Variants in CALCR observed in about 807,000 individuals in gnomAD.
CALCR encodes the protein calcitonin receptor.
In CALCR, 47 loss-of-function variants were observed where a neutral mutation model predicts 59.5. The observed-to-expected ratio is 0.79, with a 90% CI of 0.63 to 1.01. The LOEUF (loss-of-function observed/expected upper bound fraction) is 1.01. Among genes scored for constraint, CALCR ranks in the 50% least tolerant of loss-of-function variants. The pLI, the probability that CALCR is intolerant of heterozygous loss-of-function variation, is 0.00. For missense variants in CALCR, 566 were observed against 597.1 expected, an observed-to-expected ratio of 0.95 and a Z score of 0.54; for synonymous variants, 213 against 211.3, an observed-to-expected ratio of 1.01 and a Z score of -0.07.
chr7:93,515,935 A>C (rs899193168), intron 2 of CALCR, among the ~76,000 whole-genome samples: 4 of 152,064 alleles, frequency 2.6e-5, no homozygotes, highest in African/African-American at 9.6e-5. Flanking sequence ...GTATAAATGG[A>C]TCTAAAAGAA....
intron 5 of CALCR, among the ~76,000 whole-genome samples, chr7:93,475,984 G>A (rs139759213): frequency 3.3e-5 from 5 of 151,882 alleles, no homozygotes; most frequent in African/African-American, 4.8e-5. Context: ...CCAGATTCAC[G>A]CAGGGGAACT....
At chr7:93,487,565 C>A (rs1418861388) in intron 2 of CALCR, among the ~76,000 whole-genome samples, 2 of 151,456 alleles carry the variant, frequency 1.3e-5, no homozygotes, top group Non-Finnish European at 3.0e-5. Context: ...TTGAGCATGT[C>A]ATTTAACAGC....
chr7:93,483,439 A>G (rs971515186), intron 3 of CALCR, among the ~76,000 whole-genome samples: 70 of 141,002 alleles, frequency 5.0e-4, no homozygotes, highest in African/African-American at 2.1e-3. Flanking sequence ...ATAGATAGAT[A>G]GATAGATAGA....
chr7:93,428,017 G>T (rs1278273130), intron 13 of CALCR, among the ~76,000 whole-genome samples: 5 of 152,232 alleles, frequency 3.3e-5, no homozygotes, highest in African/African-American at 1.2e-4. Flanking sequence ...GTTTTATTTT[G>T]TTTTGGGGTT....
chr7:93,500,644 T>G (rs966334889), intron 2 of CALCR, among the ~76,000 whole-genome samples: 2 of 152,014 alleles, frequency 1.3e-5, no homozygotes, highest in African/African-American at 4.8e-5. Flanking sequence ...GAGCACTTAC[T>G]GTGTTTATAA....
intron 9 of CALCR, among the ~76,000 whole-genome samples, chr7:93,438,471 G>A (rs1799831465): frequency 6.6e-6 from 1 of 152,178 alleles, no homozygotes; most frequent in Admixed American, 6.5e-5. Context: ...TGTGCTTCCT[G>A]AGAGTTTGGT....
intron 2 of CALCR, among the ~76,000 whole-genome samples, chr7:93,565,131 C>A (rs1789835692): frequency 6.6e-6 from 1 of 152,344 alleles, no homozygotes; most frequent in Non-Finnish European, 1.5e-5. Flanking sequence ...TGGCTCCCTG[C>A]AACTTTGCAG....
intron 8 of CALCR, among the ~76,000 whole-genome samples, chr7:93,454,615 CAAA>C (rs36063536): frequency 8.3e-5 from 12 of 144,240 alleles, no homozygotes; most frequent in African/African-American, 3.0e-4. Context: ...GCAGATAGAA[CAAA>C]AAAAAAAAAT....
At chr7:93,508,450 T>C (rs73221749) in intron 2 of CALCR, among the ~76,000 whole-genome samples, 2 of 152,324 alleles carry the variant, frequency 1.3e-5, no homozygotes, top group Non-Finnish European at 2.9e-5. Flanking sequence ...ATCAAACTAT[T>C]AAATAGAATT....
intron 8 of CALCR, among the ~76,000 whole-genome samples, chr7:93,447,036 T>C (rs1015864476): frequency 1.3e-5 from 2 of 152,020 alleles, no homozygotes; most frequent in African/African-American, 4.8e-5. Flanking sequence ...TTGGCTTCAA[T>C]GAGTCATATC....
rs755173891 is a variant in CALCR, at chr7:93,438,202, A to C, written c.863+8T>G. The C allele has an allele frequency of 2.5e-6, 4 of 1,612,482 alleles. No individual in the cohort carries two copies. Among genetic ancestry groups the C allele is most frequent in the Non-Finnish European group, 3.4e-6 (4 of 1,178,618 alleles). On this transcript the variant is annotated splice_region_variant and intron_variant, in intron 10 of 13. Coordinates refer to ENST00000426151, the MANE Select transcript of CALCR (RefSeq NM_001742.4). ...ATATGTTAACTTAAACATCACCATAATACTTACTTGTCATTGAAGTACACG... is the reference window on the plus strand; with the variant it reads ...ATATGTTAACTTAAACATCACCATACTACTTACTTGTCATTGAAGTACACG...
rs1439669984 is a variant in CALCR, at chr7:93,558,126, AC to A, written c.-27+16162del. 4.1e-5 allele frequency among the ~76,000 whole-genome samples: 6 copies of A among 145,534 alleles called. No homozygotes were observed. The East Asian group carries it at 9.8e-4, about 24-fold the overall frequency. Reference sequence around the variant, plus strand: ...CTTAAATCTTGTAGTCTTTTTTAACACCTTTTTTTTTTTTTTACTGTTTCTT... The same window carrying A: ...CTTAAATCTTGTAGTCTTTTTTAACACTTTTTTTTTTTTTTACTGTTTCTT... On this transcript the variant is annotated intron_variant, in intron 2 of 13. Coordinates refer to ENST00000426151, the MANE Select transcript of CALCR (RefSeq NM_001742.4).
intron 2 of CALCR, among the ~76,000 whole-genome samples, chr7:93,520,478 A>G (rs968629350): frequency 1.3e-5 from 2 of 152,094 alleles, no homozygotes; most frequent in African/African-American, 4.8e-5. Flanking sequence ...AGCATTATTG[A>G]CTATTTTTTA....
chr7:93,562,955 AAG>A (rs1360729546), intron 2 of CALCR, among the ~76,000 whole-genome samples: 3 of 152,336 alleles, frequency 2.0e-5, no homozygotes, highest in Admixed American at 6.5e-5. Flanking sequence ...CGGTAAATAA[AAG>A]AGCTAAAATT....
At chr7:93,499,213 A>G (rs1801272338) in intron 2 of CALCR, among the ~76,000 whole-genome samples, 1 of 151,756 alleles carries the variant, frequency 6.6e-6, no homozygotes, top group East Asian at 1.9e-4. Context: ...ATTGTAATAG[A>G]AAATAAACTA....
intron 2 of CALCR, 42 bp from the exon 3 acceptor site, chr7:93,487,049 C>G (rs1251087213): frequency 3.0e-6 from 3 of 1,012,210 alleles, no homozygotes; most frequent in Middle Eastern, 2.6e-4. Flanking sequence ...ATTAATATAT[C>G]TCTAATATTG....
At chr7:93,444,213 G>A (rs763072738) in intron 8 of CALCR, among the ~76,000 whole-genome samples, 6 of 152,066 alleles carry the variant, frequency 3.9e-5, no homozygotes, top group Non-Finnish European at 7.4e-5. Flanking sequence ...AGAGTCAGGT[G>A]ATAAATTTCA....
Position 93,460,811 on chromosome 7 carries a change from C to T in CALCR, c.648+10G>A, listed in dbSNP as rs752234399. 15 of 1,583,642 alleles carry T rather than the reference C, an allele frequency of 9.5e-6. No homozygotes were observed. Among genetic ancestry groups the T allele is most frequent in the Non-Finnish European group, 1.3e-5 (15 of 1,167,052 alleles). On this transcript the variant is annotated intron_variant, in intron 8 of 13. Transcript: ENST00000426151. ...AAATAAAAGTAAAAACAAAACTATG[C>T]AGTACTTACCGGGTCCCTTCGCACG...
At chr7:93,466,293 A>C (rs1341836168) in intron 7 of CALCR, among the ~76,000 whole-genome samples, 7 of 151,948 alleles carry the variant, frequency 4.6e-5, no homozygotes, top group African/African-American at 1.4e-4. Flanking sequence ...TTGAAAAAAA[A>C]TTCTGGAAAA....
Sources: allele counts gnomAD v4.1 joint callset (sites outside exome capture counted in the v4.1 genomes callset), GRCh38; gene constraint gnomAD v4.1.1; transcripts MANE v1.5; gene names NCBI Gene and HGNC (gene_info 2026-07-23, HGNC 2026-07-21).